Variants in RASSF8 observed in about 807,000 individuals in gnomAD.
RASSF8 encodes ras association domain-containing protein 8.
In RASSF8, 22 loss-of-function variants were observed where a neutral mutation model predicts 48.5. The observed-to-expected ratio is 0.45, with a 90% CI of 0.32 to 0.65. The LOEUF (loss-of-function observed/expected upper bound fraction) is 0.65, where lower values mean the gene tolerates loss of function less well. Ranked by LOEUF, RASSF8 falls within the 30% of genes least tolerant of loss-of-function variation. RASSF8 has a pLI of 0.03. For missense variants in RASSF8, 418 were observed against 489.2 expected, an observed-to-expected ratio of 0.85 and a Z score of 1.37; for synonymous variants, 127 against 171.5, an observed-to-expected ratio of 0.74 and a Z score of 2.03.
chr12:26,067,021 C>A (rs1352242378), intron 4 of RASSF8, among the ~76,000 whole-genome samples: 7 of 152,160 alleles, frequency 4.6e-5, no homozygotes, highest in South Asian at 2.1e-4. Flanking sequence ...TAAGATAAAT[C>A]TCAATAATGT....
At chr12:25,992,474 T>C (rs573858333) in intron 1 of RASSF8, among the ~76,000 whole-genome samples, 13 of 152,366 alleles carry the variant, frequency 8.5e-5, no homozygotes, top group Non-Finnish European at 1.3e-4. Flanking sequence ...CAGTGAGTAC[T>C]AAGTGTCAGC....
intron 2 of RASSF8, among the ~76,000 whole-genome samples, chr12:26,015,299 T>C (rs186477666): frequency 3.9e-5 from 6 of 152,188 alleles, no homozygotes; most frequent in Admixed American, 3.9e-4. Context: ...GCAAGATTAT[T>C]GAGGAGCACT....
intron 2 of RASSF8, among the ~76,000 whole-genome samples, chr12:26,008,554 T>C (rs1396094625): frequency 6.6e-6 from 1 of 152,236 alleles, no homozygotes; most frequent in Non-Finnish European, 1.5e-5. Context: ...TCCATTTTGC[T>C]CCAAGGATCA....
chr12:25,999,805 AATAACC>A (rs541179860), intron 2 of RASSF8, among the ~76,000 whole-genome samples: 39 of 152,238 alleles, frequency 2.6e-4, no homozygotes, highest in Non-Finnish European at 5.0e-4. Flanking sequence ...GTATGATAAT[AATAACC>A]AGTTTAAAAG....
At chr12:26,016,211 T>TGG (rs1349212643) in intron 2 of RASSF8, among the ~76,000 whole-genome samples, 1 of 151,722 alleles carries the variant, frequency 6.6e-6, no homozygotes, top group African/African-American at 2.4e-5. Context: ...TTTGGGTTTT[T>TGG]TTTTTTTTTT....
chr12:26,061,570 CAGAT>C (rs75666228), intron 3 of RASSF8, among the ~76,000 whole-genome samples: 16,007 of 152,022 alleles, frequency 0.11, 886 homozygotes, highest in East Asian at 0.17. Flanking sequence ...GACAGACAGA[CAGAT>C]AGATATTCCT....
At chr12:26,062,555 T>C (rs1943767157) in intron 3 of RASSF8, among the ~76,000 whole-genome samples, 1 of 152,204 alleles carries the variant, frequency 6.6e-6, no homozygotes, top group Non-Finnish European at 1.5e-5. Context: ...ATTGTTCAGA[T>C]CATGTAGGTA....
chr12:26,015,777 A>G (rs1181311473), intron 2 of RASSF8, among the ~76,000 whole-genome samples: 1 of 152,222 alleles, frequency 6.6e-6, no homozygotes, highest in Non-Finnish European at 1.5e-5. Context: ...AAATTAAAGA[A>G]AATAACTCAT....
At chr12:26,002,601 C>T (rs1592253042) in intron 2 of RASSF8, among the ~76,000 whole-genome samples, 1 of 152,264 alleles carries the variant, frequency 6.6e-6, no homozygotes, top group East Asian at 1.9e-4. Flanking sequence ...TGGTGAAACC[C>T]CTTCCTACTA....
intron 1 of RASSF8, among the ~76,000 whole-genome samples, chr12:25,966,700 A>C (rs1941368852): frequency 6.6e-6 from 1 of 152,224 alleles, no homozygotes; most frequent in South Asian, 2.1e-4. Flanking sequence ...TTCATCAAAT[A>C]TATGCTTTGC....
rs554603677 is a variant in RASSF8, at chr12:26,068,922, CTGTA to C, written c.*108_*111del. On this transcript the variant is annotated 3_prime_UTR_variant, in exon 6 of 6. Transcript: ENST00000689635. ...AACAGAGGATCTATTCCACAAGACG[CTGTA>C]TGTTTTTTCTCTCCTAAATTGCATA... 1.0e-3 allele frequency: 1,531 copies of C among 1,469,878 alleles called. 4 individuals carry two copies. Among genetic ancestry groups the C allele is most frequent in the Non-Finnish European group, 1.3e-3 (1,460 of 1,113,488 alleles). The allele number at this position is 1,469,878 out of a possible 1,614,324, so 91.1% of individuals were successfully genotyped here.
intron 1 of RASSF8, among the ~76,000 whole-genome samples, chr12:25,983,984 A>G (rs759646041): frequency 2.0e-5 from 3 of 152,244 alleles, no homozygotes; most frequent in Non-Finnish European, 4.4e-5. Flanking sequence ...GATTTTATGT[A>G]GTATGATTCC....
intron 1 of RASSF8, among the ~76,000 whole-genome samples, chr12:25,966,627 T>C (rs1374378811): frequency 6.6e-6 from 1 of 152,256 alleles, no homozygotes; most frequent in Non-Finnish European, 1.5e-5. Flanking sequence ...TGCTGATGTT[T>C]TTATTGGGTT....
chr12:26,006,856 C>T (rs1942404140), intron 2 of RASSF8, among the ~76,000 whole-genome samples: 1 of 152,102 alleles, frequency 6.6e-6, no homozygotes, highest in African/African-American at 2.4e-5. Flanking sequence ...TCACTAAAAT[C>T]GAGTTTAACA....
intron 2 of RASSF8, among the ~76,000 whole-genome samples, chr12:26,009,827 G>A (rs1219316463): frequency 6.6e-6 from 1 of 152,180 alleles, no homozygotes; most frequent in Non-Finnish European, 1.5e-5. Context: ...TGGCAGGAAT[G>A]AGCTTGATAG....
intron 1 of RASSF8, among the ~76,000 whole-genome samples, chr12:25,984,173 G>A (rs1592231997): frequency 6.7e-6 from 1 of 149,518 alleles, no homozygotes; most frequent in East Asian, 2.0e-4. Flanking sequence ...CAATCCTCCT[G>A]CCTCAGCCTC....
intron 1 of RASSF8, among the ~76,000 whole-genome samples, chr12:25,976,656 T>C (rs1941612696): frequency 6.6e-6 from 1 of 152,208 alleles, no homozygotes; most frequent in South Asian, 2.1e-4. Flanking sequence ...GCTCCCACAC[T>C]GTGGAGTGTA....
chr12:25,991,186 CTGT>C (rs1942005396), intron 1 of RASSF8, among the ~76,000 whole-genome samples: 1 of 151,270 alleles, frequency 6.6e-6, no homozygotes, highest in South Asian at 2.1e-4. Context: ...TTGCATTCTT[CTGT>C]TGTTTAAAAA....
chr12:26,030,372 C>A (rs763509107), intron 2 of RASSF8, among the ~76,000 whole-genome samples: 12 of 152,192 alleles, frequency 7.9e-5, no homozygotes, highest in Non-Finnish European at 1.8e-4. Flanking sequence ...CTACAAGAAG[C>A]AGAAACAAAT....
Sources: gnomAD v4.1 joint callset for allele counts (sites outside exome capture counted in the v4.1 genomes callset) on GRCh38, gnomAD v4.1.1 for gene constraint, MANE v1.5 for transcripts, NCBI Gene and HGNC (gene_info 2026-07-23, HGNC 2026-07-21) for gene names.